The following SPATA7 variants were observed in gnomAD, a reference collection of about 807,000 sequenced individuals.
SPATA7 encodes spermatogenesis associated 7, also known as spermatogenesis-associated protein 7.
SPATA7 carries 43 observed loss-of-function variants against 51.8 expected under a neutral mutation model. The observed-to-expected ratio is 0.83, with a 90% CI of 0.65 to 1.07. The LOEUF is 1.07. Ranked by LOEUF, SPATA7 falls within the 50% of genes least tolerant of loss-of-function variation. The probability of loss-of-function intolerance (pLI) is 0.00; values close to 1 mark genes in which losing one functional copy is unlikely to be tolerated. For missense variants in SPATA7, 683 were observed against 701.3 expected (o/e 0.97, Z 0.30); for synonymous variants, 230 against 252.8 (o/e 0.91, Z 0.86).
intron 7 of SPATA7, 189 bp downstream of exon 7, chr14:88,427,885 G>T: frequency 2.0e-6 from 1 of 501,416 alleles, no homozygotes; most frequent in Non-Finnish European, 3.7e-6. Context: ...ATGGCCAGGT[G>T]GATCCTGCCA....
chr14:88,422,108 C>A (rs2076662502), intron 5 of SPATA7, among the ~76,000 whole-genome samples: 1 of 151,936 alleles, frequency 6.6e-6, no homozygotes, highest in South Asian at 2.1e-4. Context: ...TGCAGGTTTT[C>A]TTTGGGGCTG....
chr14:88,461,150 G>A (rs757572185), intron 4 of SPATA7, among the ~76,000 whole-genome samples: 8 of 152,202 alleles, frequency 5.3e-5, no homozygotes, highest in Non-Finnish European at 8.8e-5. Flanking sequence ...AGGCTACTCG[G>A]GGGTCAGGGA....
intron 9 of SPATA7, 75 bp downstream of exon 9, chr14:88,431,300 G>T: frequency 7.3e-7 from 1 of 1,371,452 alleles, no homozygotes; most frequent in South Asian, 1.2e-5. Flanking sequence ...TATTAAATAA[G>T]TCAGGATTGA....
chr14:88,442,385 A>G (rs57880873), downstream of SPATA7, among the ~76,000 whole-genome samples: 3,959 of 151,872 alleles, frequency 0.026, 182 homozygotes, highest in African/African-American at 0.09. Context: ...GTAGTTTGTA[A>G]TTTTAGTAGA....
intron 3 of SPATA7, among the ~76,000 whole-genome samples, chr14:88,445,967 T>C (rs147390714): frequency 0.026 from 3,939 of 149,888 alleles, 180 homozygotes; most frequent in African/African-American, 0.091. Context: ...TGTATCTCTG[T>C]CCGGCTTTGG....
intron 10 of SPATA7, 97 bp from the exon 11 acceptor site, chr14:88,437,446 A>G: frequency 1.1e-6 from 1 of 884,898 alleles, no homozygotes. Flanking sequence ...TCTGAAAAAC[A>G]TTTTTCAACC....
chr14:88,408,959 A>C (rs769530344), intron 4 of SPATA7, among the ~76,000 whole-genome samples: 4 of 152,154 alleles, frequency 2.6e-5, no homozygotes, highest in Non-Finnish European at 5.9e-5. Flanking sequence ...GGATGAAGCC[A>C]ACTTGATCGT....
chr14:88,385,735 C>T lies in SPATA7; in HGVS notation c.-84C>T. 1.5e-6 allele frequency: 2 copies of T among 1,370,402 alleles called. No individual in the cohort carries two copies. Among genetic ancestry groups the T allele is most frequent in the South Asian group, 2.5e-5 (2 of 81,540 alleles). The allele number at this position is 1,370,402 out of a possible 1,614,324, so 84.9% of individuals were successfully genotyped here. A position where few individuals can be genotyped will look rare whatever the true frequency, so the allele number is the denominator to read the frequency against. Reference sequence around the variant, plus strand: ...CCCCGTCGGCTCCTCTTTTCCAGTCCTCCACTGCCGGGGCTGGGCCCGGCC... The same window carrying T: ...CCCCGTCGGCTCCTCTTTTCCAGTCTTCCACTGCCGGGGCTGGGCCCGGCC... On this transcript the variant is annotated 5_prime_UTR_variant, in exon 1 of 12. Transcript: ENST00000393545.
rs755699127 is a variant in SPATA7, at chr14:88,438,360, A to G, written c.1738A>G (p.Met580Val). 1.1e-5 allele frequency: 17 copies of G among 1,613,994 alleles called. 1 individual carries two copies. The highest frequency in any genetic ancestry group is 1.0e-4 in the Admixed American group (6 of 59,966). The change falls in exon 12 of 12, where the codon ATG becomes GTG. Residue 580 changes from methionine to valine, a missense_variant. By Grantham distance (21) the Met-to-Val change is conservative. Coordinates refer to ENST00000393545, the MANE Select transcript of SPATA7 (RefSeq NM_018418.5). ...SSVKGDNNHD[M>V]ELSTLKIMEM... ...TGTCAAAGGCGACAATAATCATGAC[A>G]TGGAGTTATCAACTCTTAAAATCAT... is the stretch of plus-strand genomic sequence containing the variant.
At chr14:88,415,946 T>G (rs1354745824) in intron 4 of SPATA7, 1 of 152,208 alleles carries the variant, frequency 6.6e-6, no homozygotes, top group Non-Finnish European at 1.5e-5. Context: ...TGATAGTGAG[T>G]GGGTTCTTGC....
chr14:88,407,784 A>T (rs2079487970), intron 4 of SPATA7, among the ~76,000 whole-genome samples: 1 of 152,134 alleles, frequency 6.6e-6, no homozygotes, highest in African/African-American at 2.4e-5. Context: ...TAATTTTTGT[A>T]TAAGGTGTAA....
In SPATA7 at chr14:88,427,642, G is replaced by GAT; in HGVS notation, c.858_859insAT (p.Leu287IlefsTer10). The GAT allele has an allele frequency of 5.0e-6, 8 of 1,606,652 alleles. No homozygotes were observed. Among genetic ancestry groups the GAT allele is most frequent in the Non-Finnish European group, 6.8e-6 (8 of 1,174,026 alleles). On this transcript the variant is annotated frameshift_variant, in exon 7 of 12. Coordinates refer to ENST00000393545, the MANE Select transcript of SPATA7 (RefSeq NM_018418.5). LOFTEE classifies it high-confidence loss of function. Reference sequence around the variant, plus strand: ...TAAATTATTACAGCTTTAAATCTGAGTTGGGGACAGCTGAGACTAAAAACA... The same window carrying GAT: ...TAAATTATTACAGCTTTAAATCTGAGATTTGGGGACAGCTGAGACTAAAAACA...
rs766017194 is a variant in SPATA7, at chr14:88,438,068, C to T, written c.1446C>T (p.Asn482=). Residue 482 remains asparagine, a synonymous_variant, in exon 12 of 12, where the codon AAC becomes AAT. Coordinates refer to ENST00000393545, the MANE Select transcript of SPATA7 (RefSeq NM_018418.5). ...DMLLSAPKDE[N]EIFPSPTEFF... ...TATTGTCGGCACCAAAGGATGAGAA[C>T]GAGATATTCCCTTCACCAACTGAAT... 3.0e-5 allele frequency: 49 copies of T among 1,613,910 alleles called. No individual in the cohort carries two copies. The highest frequency in any genetic ancestry group is 4.0e-5 in the African/African-American group (3 of 74,896).
At position 88,437,877 on chromosome 14, in the gene SPATA7, T is replaced by C. The variant is rs112976233; in HGVS notation, c.1255T>C (p.Leu419=). 4,319 of 1,608,652 alleles carry C rather than the reference T, an allele frequency of 2.7e-3. 95 individuals are homozygous for C. In the African/African-American group the frequency reaches 0.049, roughly 18 times the overall value. Residue 419 remains leucine, a synonymous_variant, in exon 12 of 12, where the codon TTA becomes CTA. Transcript: ENST00000393545. ...RHLLHVLKVD[L]GCTSEENSVK... Reference sequence around the variant, plus strand: ...CCTGCTGCATGTCCTGAAAGTAGACTTAGGCTGCACATCGGAGGAAAACTC... The same window carrying C: ...CCTGCTGCATGTCCTGAAAGTAGACCTAGGCTGCACATCGGAGGAAAACTC...
At chr14:88,456,519 C>G (rs1355718793), downstream of SPATA7, among the ~76,000 whole-genome samples, 1 of 152,082 alleles carries the variant, frequency 6.6e-6, no homozygotes, top group Non-Finnish European at 1.5e-5. Flanking sequence ...GCATAAATGT[C>G]TTCTTTTGAG....
At chr14:88,395,134 G>A (rs1257029912) in intron 3 of SPATA7, among the ~76,000 whole-genome samples, 2 of 151,882 alleles carry the variant, frequency 1.3e-5, no homozygotes, top group East Asian at 3.9e-4. Context: ...AAATTGTATA[G>A]GGAGTTACCA....
intron 4 of SPATA7, chr14:88,468,173 G>T: frequency 6.2e-7 from 1 of 1,613,772 alleles, no homozygotes; most frequent in Non-Finnish European, 8.5e-7. Context: ...ACTGGATGAG[G>T]ACTCTGTACA....
chr14:88,399,457 A>T (rs192377951), intron 4 of SPATA7, among the ~76,000 whole-genome samples: 1 of 152,370 alleles, frequency 6.6e-6, no homozygotes, highest in Admixed American at 6.5e-5. Context: ...ATATTTTTAA[A>T]GACCAGTTTG....
At chr14:88,419,875 T>G (rs1479400074) in intron 5 of SPATA7, among the ~76,000 whole-genome samples, 1 of 152,134 alleles carries the variant, frequency 6.6e-6, no homozygotes, top group East Asian at 1.9e-4. Flanking sequence ...TTTGACTCAA[T>G]GTGGTAGACA....
Sources: gnomAD v4.1 joint callset for allele counts (sites outside exome capture counted in the v4.1 genomes callset) on GRCh38, gnomAD v4.1.1 for gene constraint, MANE v1.5 for transcripts, NCBI Gene and HGNC (gene_info 2026-07-23, HGNC 2026-07-21) for gene names.